EPB41L4B: variants seen among roughly 807,000 people sequenced by gnomAD.
The protein encoded by EPB41L4B is erythrocyte membrane protein band 4.1 like 4B.
Under a neutral mutation model 112.5 loss-of-function variants are expected in EPB41L4B, and 30 were observed. That is an observed-to-expected ratio of 0.27 (90% confidence interval 0.20 to 0.36). The LOEUF (loss-of-function observed/expected upper bound fraction) is 0.36, where lower values mean the gene tolerates loss of function less well. EPB41L4B is among the 10% of genes least tolerant of loss of function. The probability of loss-of-function intolerance (pLI) is 1.00; values close to 1 mark genes in which losing one functional copy is unlikely to be tolerated. For missense variants in EPB41L4B, 1,024 were observed against 1,133.3 expected (o/e 0.90, Z 1.38); for synonymous variants, 408 against 439.7 (o/e 0.93, Z 0.90).
intron 13 of EPB41L4B, among the ~76,000 whole-genome samples, chr9:109,251,141 G>A (rs1237740989): frequency 4.6e-5 from 7 of 152,204 alleles, no homozygotes; most frequent in African/African-American, 2.4e-5. Context: ...GCTTTTGCTC[G>A]CGAGCAAGGC....
chr9:109,277,567 G>A (rs1835883261), intron 2 of EPB41L4B, among the ~76,000 whole-genome samples: 1 of 152,158 alleles, frequency 6.6e-6, no homozygotes, highest in Admixed American at 6.5e-5. Flanking sequence ...ACCTGTGATC[G>A]GTGCTGATGC....
At chr9:109,257,959 G>A (rs893635987) in intron 7 of EPB41L4B, among the ~76,000 whole-genome samples, 1 of 152,172 alleles carries the variant, frequency 6.6e-6, no homozygotes. Context: ...TAGTGCCACT[G>A]CACTCTGGCC....
intron 25 of EPB41L4B, 147 bp from the exon 26 acceptor site, chr9:109,174,770 G>C: frequency 3.1e-6 from 2 of 642,850 alleles, no homozygotes; most frequent in Non-Finnish European, 2.7e-6. Context: ...ACATTTGCTA[G>C]CATTTCAGTG....
At chr9:109,246,385 C>A (rs10979770) in intron 14 of EPB41L4B, among the ~76,000 whole-genome samples, 1 of 152,168 alleles carries the variant, frequency 6.6e-6, no homozygotes, top group Non-Finnish European at 1.5e-5. Flanking sequence ...GTCTTGAATT[C>A]TTGGGCTCAA....
intron 18 of EPB41L4B, among the ~76,000 whole-genome samples, chr9:109,204,496 A>G (rs1832932286): frequency 6.6e-6 from 1 of 151,984 alleles, no homozygotes; most frequent in South Asian, 2.1e-4. Context: ...TTTGTTTTTG[A>G]TTTCTTTATT....
chr9:109,176,373 G>A (rs903427859), intron 25 of EPB41L4B, among the ~76,000 whole-genome samples, 178 bp downstream of exon 25: 4 of 152,068 alleles, frequency 2.6e-5, no homozygotes, highest in Non-Finnish European at 4.4e-5. Flanking sequence ...CCCTTGTGCT[G>A]GGATTACAGA....
At chr9:109,230,591 G>C (rs919280346) in intron 15 of EPB41L4B, among the ~76,000 whole-genome samples, 2 of 151,910 alleles carry the variant, frequency 1.3e-5, no homozygotes, top group African/African-American at 4.8e-5. Flanking sequence ...ATTTTAATTT[G>C]GTAGAGACTA....
chr9:109,277,689 G>T (rs1326659500), intron 2 of EPB41L4B, among the ~76,000 whole-genome samples: 1 of 152,200 alleles, frequency 6.6e-6, no homozygotes, highest in Non-Finnish European at 1.5e-5. Context: ...AGTCACGGGG[G>T]CAGGAGAATC....
At chr9:109,262,450 GGGGTGTGTGT>G (rs1378437733) in intron 6 of EPB41L4B, among the ~76,000 whole-genome samples, 6 of 10,116 alleles carry the variant, frequency 5.9e-4, no homozygotes, top group African/African-American at 9.3e-4. Flanking sequence ...GGTGTGTGTG[GGGGTGTGTGT>G]GTGTGTGTGT....
intron 19 of EPB41L4B, among the ~76,000 whole-genome samples, chr9:109,202,191 G>A (rs112648702): frequency 6.6e-6 from 1 of 152,180 alleles, no homozygotes. Context: ...CCAGGTGAAG[G>A]TTAGTGGGGT....
intron 1 of EPB41L4B, among the ~76,000 whole-genome samples, chr9:109,318,714 C>T (rs1837727456): frequency 1.3e-5 from 2 of 152,280 alleles, no homozygotes; most frequent in South Asian, 4.2e-4. Context: ...GGAACAGTAA[C>T]ATTTTTATGC....
intron 1 of EPB41L4B, among the ~76,000 whole-genome samples, chr9:109,287,226 C>A (rs1836322829): frequency 6.6e-6 from 1 of 152,142 alleles, no homozygotes; most frequent in Non-Finnish European, 1.5e-5. Context: ...TCACTGGTTC[C>A]TAGCTGTGCT....
At chr9:109,290,049 C>T (rs1012124361) in intron 1 of EPB41L4B, among the ~76,000 whole-genome samples, 2 of 152,232 alleles carry the variant, frequency 1.3e-5, no homozygotes, top group East Asian at 1.9e-4. Context: ...GGCACCTGTC[C>T]GATGGTAACT....
At chr9:109,299,143 T>G (rs1330639616) in intron 1 of EPB41L4B, among the ~76,000 whole-genome samples, 1 of 152,236 alleles carries the variant, frequency 6.6e-6, no homozygotes, top group Non-Finnish European at 1.5e-5. Flanking sequence ...TCTAGCCAAC[T>G]GCCACTCCAT....
intron 1 of EPB41L4B, among the ~76,000 whole-genome samples, chr9:109,296,571 G>C (rs983219054): frequency 2.6e-5 from 4 of 152,260 alleles, no homozygotes; most frequent in African/African-American, 9.6e-5. Flanking sequence ...CCTCATTTTA[G>C]GTGGCATGCC....
rs1314768180 is a variant in EPB41L4B at position 109,201,712 on chromosome 9, T to C, written c.1947-1378A>G. Among the ~76,000 whole-genome samples the C allele has an allele frequency of 2.0e-5, 3 of 151,528 alleles. No individual in the cohort carries two copies. In the East Asian group the frequency reaches 5.8e-4, roughly 29 times the overall value. On this transcript the variant is annotated intron_variant, in intron 19 of 25. Transcript: ENST00000374566. Reference sequence around the variant, plus strand: ...AAGACCACAAAGATGAGAGGCAGAGTGGAGACCTGGCTGAACGCAGGGCAC... The same window carrying C: ...AAGACCACAAAGATGAGAGGCAGAGCGGAGACCTGGCTGAACGCAGGGCAC...
chr9:109,191,215 G>T (rs1000830850), intron 22 of EPB41L4B, among the ~76,000 whole-genome samples: 19 of 152,188 alleles, frequency 1.2e-4, no homozygotes, highest in African/African-American at 3.9e-4. Context: ...GCCCAAAATG[G>T]AGGAAGCTCT....
rs117850439 is a variant in EPB41L4B, at chr9:109,256,977, C to T, written c.753-497G>A. On this transcript the variant is annotated intron_variant, in intron 7 of 25. Transcript: ENST00000374566. The stretch of plus-strand genomic sequence containing the variant: ...CAACAACAACAACAAAATCACAGAA[C>T]AGTGCTTACAATATGATCACTTAAG... 9.3e-4 allele frequency among the ~76,000 whole-genome samples: 141 copies of T among 152,302 alleles called. 5 individuals carry two copies. In the East Asian group the frequency reaches 0.024, roughly 26 times the overall value.
chr9:109,203,425 A>C (rs1376706833), intron 19 of EPB41L4B, among the ~76,000 whole-genome samples: 2 of 152,212 alleles, frequency 1.3e-5, no homozygotes, highest in Non-Finnish European at 2.9e-5. Flanking sequence ...TGACAACCCC[A>C]AGTGATTGAT....
Sources: allele counts gnomAD v4.1 joint callset (sites outside exome capture counted in the v4.1 genomes callset), GRCh38; gene constraint gnomAD v4.1.1; transcripts MANE v1.5; gene names NCBI Gene and HGNC (gene_info 2026-07-23, HGNC 2026-07-21).